TFDP2: variants seen among roughly 807,000 people sequenced by gnomAD.
The protein encoded by TFDP2 is transcription factor Dp-2, also known as transcription factor Dp-2 (E2F dimerization partner 2).
A neutral mutation model predicts 59.3 loss-of-function variants in TFDP2; 17 were observed. That is an observed-to-expected ratio of 0.29 (90% CI 0.20 to 0.43). TFDP2 has a LOEUF of 0.43. TFDP2 is among the 20% of genes least tolerant of loss of function. The pLI, the probability that TFDP2 is intolerant of heterozygous loss-of-function variation, is 1.00. For missense variants in TFDP2, 391 were observed against 528.8 expected (o/e 0.74, Z 2.56); for synonymous variants, 180 against 194.7 (o/e 0.92, Z 0.63).
intron 1 of TFDP2, among the ~76,000 whole-genome samples, chr3:142,111,081 C>A (rs1470752293): frequency 6.6e-6 from 1 of 152,114 alleles, no homozygotes; most frequent in Non-Finnish European, 1.5e-5. Context: ...ACAAATTTCA[C>A]AATTAACTAC....
intron 3 of TFDP2, among the ~76,000 whole-genome samples, chr3:142,067,519 A>G (rs190590809): frequency 3.9e-4 from 60 of 152,242 alleles, no homozygotes; most frequent in South Asian, 8.3e-4. Context: ...AATAGGAAGA[A>G]TCAATATTAT....
chr3:142,101,894 T>G (rs2061327927), intron 1 of TFDP2, 53 bp from the exon 2 acceptor site: 3 of 462,488 alleles, frequency 6.5e-6, no homozygotes, highest in South Asian at 6.1e-5. Context: ...ATAGGCAACA[T>G]TTATGTCATA....
At chr3:141,985,638 G>T (rs1293467524) in intron 6 of TFDP2, among the ~76,000 whole-genome samples, 2 of 151,030 alleles carry the variant, frequency 1.3e-5, no homozygotes, top group Non-Finnish European at 2.9e-5. Flanking sequence ...AGACCTAAAT[G>T]TAAGAGCTAA....
At chr3:142,071,422 TGC>T (rs2060245445) in intron 3 of TFDP2, among the ~76,000 whole-genome samples, 1 of 152,126 alleles carries the variant, frequency 6.6e-6, no homozygotes, top group Non-Finnish European at 1.5e-5. Flanking sequence ...TCTCTCAAAG[TGC>T]AAGGAATACA....
intron 6 of TFDP2, among the ~76,000 whole-genome samples, chr3:141,987,670 G>A (rs1456960954): frequency 1.3e-5 from 2 of 148,744 alleles, no homozygotes; most frequent in Non-Finnish European, 3.0e-5. Flanking sequence ...GTTCATGCCT[G>A]TAATCCCAGC....
At chr3:141,987,974 TCTC>T (rs1299139116) in intron 6 of TFDP2, among the ~76,000 whole-genome samples, 1 of 147,272 alleles carries the variant, frequency 6.8e-6, no homozygotes, top group African/African-American at 2.6e-5. Flanking sequence ...ATGACATTCT[TCTC>T]ATTCTGTCAC....
intron 3 of TFDP2, among the ~76,000 whole-genome samples, chr3:142,054,534 A>G (rs1372229903): frequency 6.6e-6 from 1 of 152,184 alleles, no homozygotes; most frequent in Non-Finnish European, 1.5e-5. Context: ...ACCCTCTGCT[A>G]TAGGGGTTAC....
intron 3 of TFDP2, among the ~76,000 whole-genome samples, chr3:142,088,876 G>A (rs966453453): frequency 6.6e-6 from 1 of 151,582 alleles, no homozygotes; most frequent in Non-Finnish European, 1.5e-5. Flanking sequence ...CACCCAGGCT[G>A]GAGTGCAATG....
intron 1 of TFDP2, among the ~76,000 whole-genome samples, chr3:142,141,168 G>A (rs187973468): frequency 9.5e-4 from 145 of 152,336 alleles, no homozygotes; most frequent in African/African-American, 3.1e-3. Context: ...TGTGGGGCCC[G>A]CCAAGCCAGG....
At chr3:142,001,091 G>C (rs1414662426) in intron 4 of TFDP2, among the ~76,000 whole-genome samples, 1 of 152,182 alleles carries the variant, frequency 6.6e-6, no homozygotes, top group African/African-American at 2.4e-5. Flanking sequence ...ACCAAGCTTT[G>C]CCCTGGTGAG....
intron 3 of TFDP2, among the ~76,000 whole-genome samples, chr3:142,062,505 G>A (rs754407764): frequency 2.0e-5 from 3 of 151,598 alleles, no homozygotes; most frequent in Non-Finnish European, 4.4e-5. Flanking sequence ...ATGCACATTA[G>A]GTATTGGCAA....
At chr3:141,976,332 T>C (rs1188737804) in intron 7 of TFDP2, among the ~76,000 whole-genome samples, 1 of 152,154 alleles carries the variant, frequency 6.6e-6, no homozygotes, top group Non-Finnish European at 1.5e-5. Flanking sequence ...GAACTTAAGT[T>C]ATAAAGGTAA....
In TFDP2 at chr3:141,995,085, T is replaced by A. The variant is rs768080519; in HGVS notation, c.243A>T (p.Pro81=). The part of the protein sequence containing the change: ...TSSGSVLIGS[P]YTPAPAMVTQ... ...TAACCATTGCTGGTGCAGGGGTATA[T>A]GGACTCCCAATCAGAACACTTCCTG... The change falls in exon 5 of 13, where the codon CCA becomes CCT. Residue 81 remains proline (P), a synonymous_variant. Transcript: ENST00000489671. The A allele has an allele frequency of 1.9e-6, 3 of 1,611,794 alleles. No homozygotes were observed. The highest frequency in any genetic ancestry group is 2.5e-6 in the Non-Finnish European group (3 of 1,178,810).
chr3:142,140,903 AC>A (rs1463717565), intron 1 of TFDP2, among the ~76,000 whole-genome samples: 1 of 152,140 alleles, frequency 6.6e-6, no homozygotes, highest in Non-Finnish European at 1.5e-5. Flanking sequence ...TGGGAGAACC[AC>A]TGCTGTCAGA....
intron 4 of TFDP2, among the ~76,000 whole-genome samples, chr3:142,001,287 C>T (rs1417232821): frequency 6.6e-6 from 1 of 152,200 alleles, no homozygotes; most frequent in Non-Finnish European, 1.5e-5. Flanking sequence ...AGAGGAGCAG[C>T]CACTATACTT....
At chr3:141,968,393 A>ATATATAT (rs1232923523) in intron 9 of TFDP2, among the ~76,000 whole-genome samples, 15 of 116,770 alleles carry the variant, frequency 1.3e-4, no homozygotes, top group Admixed American at 2.1e-4. Context: ...CATATATATA[A>ATATATAT]CATATATATC....
intron 3 of TFDP2, among the ~76,000 whole-genome samples, chr3:142,017,734 G>C (rs1466096089): frequency 6.6e-6 from 1 of 151,458 alleles, no homozygotes; most frequent in Non-Finnish European, 1.5e-5. Flanking sequence ...TGTATTTGTA[G>C]TAGAGACGGG....
rs1935445095 is a variant in TFDP2 at position 141,948,059 on chromosome 3, G to A, written c.*4454C>T. The A allele has an allele frequency of 6.6e-6, 1 of 152,198 alleles. No homozygotes were observed. The highest frequency in any genetic ancestry group is 6.6e-5 in the Admixed American group (1 of 15,266). 9.4% of individuals were successfully genotyped at this position (152,198 alleles called of 1,614,324 possible). ...TCCGCCCCAATGCCTGCTCACAGTA[G>A]GTACTCAAATGCTTACTGAATGAAG... On this transcript the variant is annotated 3_prime_UTR_variant, in exon 13 of 13. Transcript: ENST00000489671.
chr3:142,127,624 C>T (rs2062322800), intron 1 of TFDP2, among the ~76,000 whole-genome samples: 1 of 152,064 alleles, frequency 6.6e-6, no homozygotes, highest in Non-Finnish European at 1.5e-5. Context: ...AAGTGAGCCA[C>T]TGTACCCGGT....
Sources: gnomAD v4.1 joint callset for allele counts (sites outside exome capture counted in the v4.1 genomes callset) on GRCh38, gnomAD v4.1.1 for gene constraint, MANE v1.5 for transcripts, NCBI Gene and HGNC (gene_info 2026-07-23, HGNC 2026-07-21) for gene names.